PCDH9: variants seen among roughly 807,000 people sequenced by gnomAD.
PCDH9 encodes the protein protocadherin 9.
A neutral mutation model predicts 70.6 loss-of-function variants in PCDH9; 24 were observed. That is an observed-to-expected ratio of 0.34 (90% CI 0.25 to 0.48). PCDH9 has a LOEUF of 0.48. Among genes scored for constraint, PCDH9 ranks in the 20% least tolerant of loss-of-function variants. The pLI is 0.99. For synonymous variants in PCDH9, 562 were observed against 558.5 expected (o/e 1.01, Z -0.09); for missense variants, 1,281 against 1,503.6 (o/e 0.85, Z 2.45).
At chr13:66,898,149 T>G (rs1198269773) in intron 3 of PCDH9, among the ~76,000 whole-genome samples, 3 of 152,096 alleles carry the variant, frequency 2.0e-5, no homozygotes, top group Non-Finnish European at 4.4e-5. Flanking sequence ...GTGACTGAGA[T>G]GTAAAATATT....
At chr13:67,124,496 T>C (rs2086938517) in intron 2 of PCDH9, among the ~76,000 whole-genome samples, 2 of 152,182 alleles carry the variant, frequency 1.3e-5, no homozygotes, top group Non-Finnish European at 2.9e-5. Context: ...TGCTAAAAAT[T>C]AATTTTGTAA....
At chr13:66,530,243 G>A (rs1289521491) in intron 4 of PCDH9, among the ~76,000 whole-genome samples, 1 of 152,060 alleles carries the variant, frequency 6.6e-6, no homozygotes, top group African/African-American at 2.4e-5. Flanking sequence ...GTCACAGCAG[G>A]AGAAGATATG....
At chr13:66,335,571 A>G (rs768349232) in intron 4 of PCDH9, among the ~76,000 whole-genome samples, 3 of 152,104 alleles carry the variant, frequency 2.0e-5, no homozygotes, top group Non-Finnish European at 4.4e-5. Context: ...TTTTATTCTT[A>G]TTTTGGCAAA....
chr13:67,184,179 A>T (rs1040059609), intron 2 of PCDH9, among the ~76,000 whole-genome samples: 1 of 152,164 alleles, frequency 6.6e-6, no homozygotes, highest in South Asian at 2.1e-4. Flanking sequence ...GTAGGTTATA[A>T]CTTCCTTCAG....
chr13:67,103,964 A>G (rs967202051), intron 2 of PCDH9, among the ~76,000 whole-genome samples: 2 of 152,206 alleles, frequency 1.3e-5, no homozygotes, highest in Non-Finnish European at 2.9e-5. Flanking sequence ...GAATTTCAAG[A>G]TGGTCAGATA....
At chr13:67,111,776 T>C (rs1445314031) in intron 2 of PCDH9, among the ~76,000 whole-genome samples, 1 of 152,196 alleles carries the variant, frequency 6.6e-6, no homozygotes, top group African/African-American at 2.4e-5. Flanking sequence ...ATGTAATTAA[T>C]AGCTACAAAA....
At chr13:66,530,552 T>C (rs1182315077) in intron 4 of PCDH9, among the ~76,000 whole-genome samples, 1 of 151,994 alleles carries the variant, frequency 6.6e-6, no homozygotes, top group Non-Finnish European at 1.5e-5. Context: ...CTGCCATCCT[T>C]CATCAATCTA....
At chr13:66,735,656 C>G (rs148704492) in intron 3 of PCDH9, among the ~76,000 whole-genome samples, 1 of 151,992 alleles carries the variant, frequency 6.6e-6, no homozygotes, top group East Asian at 1.9e-4. Flanking sequence ...TATCTTTGCA[C>G]GTAGTATTAA....
chr13:66,737,643 C>T lies in PCDH9; in HGVS notation c.3139-106232G>A, dbSNP rs147987986. Among the ~76,000 whole-genome samples, 1,155 of 152,222 alleles carry T rather than the reference C, an allele frequency of 7.6e-3. 17 individuals carry two copies. The highest frequency in any genetic ancestry group is 0.026 in the African/African-American group (1,094 of 41,538). Reference sequence around the variant, plus strand: ...GGCGCAGGCCAGTGGGTGCGCGCACCGTGCACGAGCCGAAGCCGGGCAAGG... The same window carrying T: ...GGCGCAGGCCAGTGGGTGCGCGCACTGTGCACGAGCCGAAGCCGGGCAAGG... On this transcript the variant is annotated intron_variant, in intron 3 of 4. Transcript: ENST00000377865.
At chr13:67,017,360 T>C (rs155010) in intron 2 of PCDH9, among the ~76,000 whole-genome samples, 107,776 of 152,114 alleles carry the variant, frequency 0.71, 39,167 homozygotes, top group East Asian at 0.97. Context: ...AAGTGAATTA[T>C]ACCATCACTT....
At chr13:66,432,755 T>C (rs1050614644) in intron 4 of PCDH9, among the ~76,000 whole-genome samples, 1 of 151,872 alleles carries the variant, frequency 6.6e-6, no homozygotes, top group Admixed American at 6.6e-5. Context: ...GAAAACAGAA[T>C]TGTGGATGAT....
At chr13:66,862,250 A>T (rs1019000078) in intron 3 of PCDH9, among the ~76,000 whole-genome samples, 10 of 152,144 alleles carry the variant, frequency 6.6e-5, no homozygotes, top group African/African-American at 2.2e-4. Context: ...TTATCTTGTG[A>T]GTGTTCTATT....
intron 4 of PCDH9, among the ~76,000 whole-genome samples, chr13:66,384,966 G>A (rs1326949598): frequency 6.6e-6 from 1 of 152,098 alleles, no homozygotes; most frequent in Non-Finnish European, 1.5e-5. Flanking sequence ...ATGGCGCCCG[G>A]CCCATATCTG....
intron 3 of PCDH9, among the ~76,000 whole-genome samples, chr13:66,769,578 A>G (rs2079772441): frequency 6.6e-6 from 1 of 151,856 alleles, no homozygotes; most frequent in African/African-American, 2.4e-5. Context: ...TGCTTATGCT[A>G]TTAAAAGTTG....
intron 4 of PCDH9, among the ~76,000 whole-genome samples, chr13:66,432,095 A>G (rs1471864106): frequency 6.6e-6 from 1 of 152,018 alleles, no homozygotes; most frequent in Non-Finnish European, 1.5e-5. Flanking sequence ...TTTAAGCTAA[A>G]CTGGGTATAT....
intron 3 of PCDH9, among the ~76,000 whole-genome samples, chr13:66,781,399 C>T (rs1413665942): frequency 2.0e-5 from 3 of 152,092 alleles, no homozygotes; most frequent in African/African-American, 4.8e-5. Context: ...TTCACAAATG[C>T]GCTATGCTGC....
chr13:66,330,047 G>A (rs1001389608), intron 4 of PCDH9, among the ~76,000 whole-genome samples: 6 of 152,190 alleles, frequency 3.9e-5, no homozygotes, highest in Admixed American at 2.0e-4. Context: ...AACCCAATTA[G>A]AGGATTAGAA....
intron 3 of PCDH9, among the ~76,000 whole-genome samples, chr13:66,895,174 A>G (rs570455964): frequency 6.6e-6 from 1 of 152,322 alleles, no homozygotes; most frequent in African/African-American, 2.4e-5. Flanking sequence ...TAGGTATTTT[A>G]TAATACGAAC....
intron 4 of PCDH9, among the ~76,000 whole-genome samples, chr13:66,438,394 C>T (rs949148204): frequency 2.0e-5 from 3 of 151,990 alleles, no homozygotes; most frequent in African/African-American, 4.8e-5. Context: ...TTGGGCATTC[C>T]CTTGCTGAGT....
Sources: gnomAD v4.1 joint callset for allele counts (sites outside exome capture counted in the v4.1 genomes callset) on GRCh38, gnomAD v4.1.1 for gene constraint, MANE v1.5 for transcripts, NCBI Gene and HGNC (gene_info 2026-07-23, HGNC 2026-07-21) for gene names.